The following LRRC36 variants were observed in gnomAD, a reference collection of about 807,000 sequenced individuals.
LRRC36 encodes leucine-rich repeat-containing protein 36.
Under a neutral mutation model 81.1 loss-of-function variants are expected in LRRC36, and 62 were observed. The ratio of observed to expected loss-of-function variants is 0.76; its 90% CI spans 0.62 to 0.94. The LOEUF is 0.94. Ranked by LOEUF, LRRC36 falls within the 40% of genes least tolerant of loss-of-function variation. The pLI is 0.00. For synonymous variants in LRRC36, 334 were observed against 348.6 expected, an observed-to-expected ratio of 0.96 and a Z score of 0.47; for missense variants, 761 against 881.7, an observed-to-expected ratio of 0.86 and a Z score of 1.73.
At chr16:67,340,367 C>A (rs1351476642) in intron 1 of LRRC36, among the ~76,000 whole-genome samples, 5 of 151,792 alleles carry the variant, frequency 3.3e-5, no homozygotes, top group Non-Finnish European at 7.4e-5. Context: ...TGTTAATAGT[C>A]TAGTTGATGC....
At chr16:67,350,734 A>G (rs1159109723) in intron 5 of LRRC36, among the ~76,000 whole-genome samples, 1 of 152,206 alleles carries the variant, frequency 6.6e-6, no homozygotes, top group African/African-American at 2.4e-5. Flanking sequence ...TGATAAGCCA[A>G]TATAGCTAAA....
intron 2 of LRRC36, among the ~76,000 whole-genome samples, chr16:67,342,654 A>C (rs556121099): frequency 5.8e-4 from 89 of 152,328 alleles, no homozygotes; most frequent in Non-Finnish European, 9.6e-4. Flanking sequence ...GCAAACACGC[A>C]CAAAGAACTC....
intron 1 of LRRC36, among the ~76,000 whole-genome samples, chr16:67,340,677 C>T (rs2037991834): frequency 6.6e-6 from 1 of 151,216 alleles, no homozygotes; most frequent in Non-Finnish European, 1.5e-5. Context: ...AAAAAAAAGT[C>T]TAGTTGACTT....
At chr16:67,350,112 C>T in intron 4 of LRRC36, 90 bp from the exon 5 acceptor site, 1 of 874,882 alleles carries the variant, frequency 1.1e-6, no homozygotes, top group Non-Finnish European at 1.8e-6. Flanking sequence ...AATCTGATCA[C>T]CATAGACTGC....
At position 67,367,018 on chromosome 16, in the gene LRRC36, G is replaced by A. The variant is rs2142107678; in HGVS notation, c.756G>A (p.Glu252=). Reference sequence around the variant, plus strand: ...TTTTTTTGCCTTGGTGGTGTTTAGAGTTCAGACACTACTCGCCTCGTCAGT... The same window carrying A: ...TTTTTTTGCCTTGGTGGTGTTTAGAATTCAGACACTACTCGCCTCGTCAGT... The part of the protein sequence containing the change: ...EMPSDNHQED[E]FRHYSPRQST... Residue 252 remains glutamate (E), a splice_region_variant and synonymous_variant, in exon 8 of 14, where the codon GAG becomes GAA. Transcript: ENST00000329956. The A allele has an allele frequency of 6.3e-7, 1 of 1,597,760 alleles. No individual in the cohort carries two copies. Among genetic ancestry groups the A allele is most frequent in the Non-Finnish European group, 8.5e-7 (1 of 1,172,976 alleles).
Position 67,370,008 on chromosome 16 carries a change from A to G in LRRC36, c.1196-936A>G, listed in dbSNP as rs1034787745. On this transcript the variant is annotated intron_variant, in intron 8 of 13. Transcript: ENST00000329956. ...GGGATGGGGTCAAGGAGATCCTGGT[A>G]GAAGTGATCTAGTAGAGGGAAAACT... Among the ~76,000 whole-genome samples the G allele has an allele frequency of 5.9e-5, 9 of 152,192 alleles. 1 individual carries two copies. Among genetic ancestry groups the G allele is most frequent in the African/African-American group, 2.2e-4 (9 of 41,450 alleles).
chr16:67,365,039 A>G (rs985961488), intron 6 of LRRC36: 9 of 357,582 alleles, frequency 2.5e-5, no homozygotes, highest in East Asian at 1.3e-4. Flanking sequence ...TCTACCTTCT[A>G]TGAGCTATCT....
Position 67,326,921 on chromosome 16 carries a change from T to A in LRRC36, c.59T>A (p.Leu20Gln). The A allele has an allele frequency of 6.7e-7, 1 of 1,493,488 alleles. No individual in the cohort carries two copies. Among genetic ancestry groups the A allele is most frequent in the Non-Finnish European group, 8.8e-7 (1 of 1,133,260 alleles). The allele number at this position is 1,493,488 out of a possible 1,614,324, so 92.5% of individuals were successfully genotyped here. ...ATTCGCCGCCTGGGGGCGCTGACGCTGGAGCAGCCGGGTAGGGTCTGGCCG... is the reference window on the plus strand; with the variant it reads ...ATTCGCCGCCTGGGGGCGCTGACGCAGGAGCAGCCGGGTAGGGTCTGGCCG... ...EGIRRLGALTLEQPELVESLS... is the reference protein window; with the variant it reads ...EGIRRLGALTQEQPELVESLS... Residue 20 changes from leucine (L) to glutamine (Q), a missense_variant, in exon 1 of 14, where the codon CTG becomes CAG. By Grantham distance (113) the Leu-to-Gln change is moderately radical (BLOSUM62 -2). Around this residue, in one of 3 missense-constraint regions of LRRC36, gnomAD observed 263 missense variants for 279.3 expected, o/e 0.94. Transcript: ENST00000329956.
chr16:67,363,561 T>C, intron 5 of LRRC36, 29 bp from the exon 6 acceptor site: 1 of 1,611,854 alleles, frequency 6.2e-7, no homozygotes, highest in Non-Finnish European at 8.5e-7. Context: ...CAGTGAGTGC[T>C]TTATTGTTTG....
At chr16:67,369,197 A>G (rs1421285709) in intron 8 of LRRC36, among the ~76,000 whole-genome samples, 3 of 152,204 alleles carry the variant, frequency 2.0e-5, no homozygotes, top group African/African-American at 7.2e-5. Flanking sequence ...GTGAATATAG[A>G]TAGAAAAGAG....
intron 1 of LRRC36, among the ~76,000 whole-genome samples, chr16:67,338,865 A>ATTTTT (rs71145967): frequency 2.2e-5 from 1 of 45,404 alleles, no homozygotes; most frequent in African/African-American, 8.1e-5. Context: ...TGGAAGCTGA[A>ATTTTT]TTTTTTTTTT....
At chr16:67,360,790 T>C (rs1053920299) in intron 5 of LRRC36, among the ~76,000 whole-genome samples, 10 of 152,210 alleles carry the variant, frequency 6.6e-5, no homozygotes, top group South Asian at 4.1e-4. Flanking sequence ...TGCACTGGCT[T>C]GTAGTGACTT....
At position 67,341,074 on chromosome 16, in the gene LRRC36, TACTCTAC is replaced by T. The variant is rs1479332212; in HGVS notation, c.71-881_71-875del. ...TACTCTACATATTCTATAGAATATG[TACTCTAC>T]ATATTCTATAGAATATGTACTCTAC... On this transcript the variant is annotated intron_variant, in intron 1 of 13. Transcript: ENST00000329956. Among the ~76,000 whole-genome samples the T allele has an allele frequency of 4.7e-3, 541 of 114,738 alleles. 109 individuals carry two copies. The highest frequency in any genetic ancestry group is 0.019 in the African/African-American group (515 of 27,488). The allele number at this position is 114,738 out of a possible 152,430, so 75.3% of individuals were successfully genotyped here. A position where few individuals can be genotyped will look rare whatever the true frequency, so the allele number is the denominator to read the frequency against.
At chr16:67,343,249 G>C (rs1437406641) in intron 2 of LRRC36, among the ~76,000 whole-genome samples, 1 of 151,978 alleles carries the variant, frequency 6.6e-6, no homozygotes, top group Non-Finnish European at 1.5e-5. Flanking sequence ...CGGTAAACTG[G>C]GTGAAAAACT....
Position 67,375,362 on chromosome 16 carries a change from A to C in LRRC36, c.1610A>C (p.Asp537Ala). Reference protein sequence around the residue: ...TVLRQLLELVDKHWNGSGSLL... With the variant: ...TVLRQLLELVAKHWNGSGSLL... The stretch of plus-strand genomic sequence containing the variant: ...CTCAGACAGCTCCTGGAGCTTGTGG[A>C]TAAGCACTGGAATGGCTCCGGCTCC... The change falls in exon 10 of 14, where the codon GAT (aspartate) becomes GCT (alanine). Residue 537 changes from aspartate (D) to alanine (A), a missense_variant. Physicochemically the swap from Asp to Ala is moderately radical, Grantham distance 126. Coordinates refer to ENST00000329956, the MANE Select transcript of LRRC36 (RefSeq NM_018296.6). 1 of 1,608,694 alleles carries C rather than the reference A, an allele frequency of 6.2e-7. No individual in the cohort carries two copies. Among genetic ancestry groups the C allele is most frequent in the Non-Finnish European group, 8.5e-7 (1 of 1,178,584 alleles).
intron 3 of LRRC36, among the ~76,000 whole-genome samples, chr16:67,346,894 A>C (rs2142020462): frequency 6.6e-6 from 1 of 152,038 alleles, no homozygotes; most frequent in East Asian, 1.9e-4. Flanking sequence ...ATTTATTTTG[A>C]GACAGGGTCT....
At position 67,326,850 on chromosome 16, in the gene LRRC36, G is replaced by T; in HGVS notation, c.-13G>T. The T allele has an allele frequency of 7.0e-7, 1 of 1,430,496 alleles. No individual in the cohort carries two copies. The allele number at this position is 1,430,496 out of a possible 1,614,324, so 88.6% of individuals were successfully genotyped here. On this transcript the variant is annotated 5_prime_UTR_variant, in exon 1 of 14. Coordinates refer to ENST00000329956, the MANE Select transcript of LRRC36 (RefSeq NM_018296.6). ...TGGTCTCGCGGGCGGTGGCAGGTGA[G>T]CGGCGGGCGGGGATGGCGGAGCAAT...
chr16:67,366,570 T>C (rs925397147), intron 7 of LRRC36, among the ~76,000 whole-genome samples: 1 of 151,998 alleles, frequency 6.6e-6, no homozygotes. Context: ...GCCAACACGG[T>C]GAAACCCCAT....
chr16:67,378,770 A>T, intron 12 of LRRC36, 58 bp downstream of exon 12: 1 of 1,582,510 alleles, frequency 6.3e-7, no homozygotes, highest in Admixed American at 1.7e-5. Context: ...TTGTTTATAG[A>T]TGACCCATTT....
Sources: allele counts gnomAD v4.1 joint callset (sites outside exome capture counted in the v4.1 genomes callset), GRCh38; gene constraint gnomAD v4.1.1; regional missense constraint gnomAD v4.1.1; transcripts MANE v1.5; gene names NCBI Gene and HGNC (gene_info 2026-07-23, HGNC 2026-07-21).